Variants in GRM7 observed in about 807,000 individuals in gnomAD.
GRM7 encodes the protein metabotropic glutamate receptor 7.
A neutral mutation model predicts 84.5 loss-of-function variants in GRM7; 35 were observed. The observed-to-expected ratio is 0.41, with a 90% CI of 0.32 to 0.55. The LOEUF (loss-of-function observed/expected upper bound fraction) is 0.55, where lower values mean the gene tolerates loss of function less well. GRM7 is among the 20% of genes least tolerant of loss of function. The probability of loss-of-function intolerance (pLI) is 0.19; values close to 1 mark genes in which losing one functional copy is unlikely to be tolerated. For missense variants in GRM7, 1,003 were observed against 1,194.6 expected (o/e 0.84, Z 2.36); for synonymous variants, 487 against 455.1 (o/e 1.07, Z -0.89).
intron 8 of GRM7, among the ~76,000 whole-genome samples, chr3:7,604,960 TA>T (rs1488969654): frequency 1.2e-4 from 18 of 152,290 alleles, no homozygotes; most frequent in African/African-American, 3.6e-4. Context: ...CATAGGATAT[TA>T]GGCTAACATC....
At chr3:7,327,905 C>A (rs1409827135) in intron 4 of GRM7, among the ~76,000 whole-genome samples, 1 of 152,176 alleles carries the variant, frequency 6.6e-6, no homozygotes, top group Non-Finnish European at 1.5e-5. Flanking sequence ...TGTATCAGAA[C>A]ATTGTAAGTC....
chr3:7,358,773 A>AT (rs931830568), intron 4 of GRM7, among the ~76,000 whole-genome samples: 8 of 151,910 alleles, frequency 5.3e-5, no homozygotes, highest in Non-Finnish European at 1.0e-4. Flanking sequence ...TTCATAATTT[A>AT]TTTTTTGTGA....
In GRM7 at chr3:6,921,465, A is replaced by G. The variant is rs76939575; in HGVS notation, c.519+59558A>G. On this transcript the variant is annotated intron_variant, in intron 1 of 9. Coordinates refer to ENST00000357716, the MANE Select transcript of GRM7 (RefSeq NM_000844.4). ...ACAGCTTCTATTTACCTGAAATAGT[A>G]GGACACACTAATTAGAATTTCAAAG... Among the ~76,000 whole-genome samples, 80 of 152,310 alleles carry G rather than the reference A, an allele frequency of 5.3e-4. No individual in the cohort carries two copies. In the East Asian group the frequency reaches 0.014, roughly 26 times the overall value.
At chr3:7,041,541 T>C (rs1696616018) in intron 1 of GRM7, among the ~76,000 whole-genome samples, 1 of 152,252 alleles carries the variant, frequency 6.6e-6, no homozygotes, top group Non-Finnish European at 1.5e-5. Flanking sequence ...TGAACATTTG[T>C]ATTGTTTGTA....
chr3:7,663,712 C>G (rs59072598), intron 8 of GRM7, among the ~76,000 whole-genome samples: 21,199 of 152,038 alleles, frequency 0.14, 2,873 homozygotes, highest in African/African-American at 0.36. Context: ...GTTATGGAGA[C>G]CATGGATTTT....
chr3:6,987,798 G>A (rs2124847720), intron 1 of GRM7, among the ~76,000 whole-genome samples: 1 of 152,274 alleles, frequency 6.6e-6, no homozygotes, highest in African/African-American at 2.4e-5. Context: ...CCTGGAAACA[G>A]AGAGACCAGG....
At chr3:7,256,776 A>G (rs1698222829) in intron 2 of GRM7, among the ~76,000 whole-genome samples, 1 of 152,162 alleles carries the variant, frequency 6.6e-6, no homozygotes, top group Non-Finnish European at 1.5e-5. Flanking sequence ...TCCTGGGGGA[A>G]TTTTATCATC....
chr3:7,469,814 T>G (rs544296747), intron 7 of GRM7, among the ~76,000 whole-genome samples: 3 of 152,222 alleles, frequency 2.0e-5, no homozygotes, highest in African/African-American at 7.2e-5. Flanking sequence ...AAAATAGTAC[T>G]GTTATTTTGA....
At chr3:7,313,930 GA>G (rs1700494149) in intron 4 of GRM7, among the ~76,000 whole-genome samples, 1 of 152,108 alleles carries the variant, frequency 6.6e-6, no homozygotes, top group African/African-American at 2.4e-5. Flanking sequence ...GAGAGAGAGA[GA>G]GAGAGATTTA....
In GRM7 at chr3:7,475,158, A is replaced by G. The variant is rs557179467; in HGVS notation, c.1515+13436A>G. The stretch of plus-strand genomic sequence containing the variant: ...GGAAGACAGAAAGGATGTAGTGGGT[A>G]AATACAAAGAAGTCTACGTTTCTCA... On this transcript the variant is annotated intron_variant, in intron 7 of 9. Transcript: ENST00000357716. Among the ~76,000 whole-genome samples the G allele has an allele frequency of 7.5e-4, 114 of 152,338 alleles. No homozygotes were observed. The South Asian group carries it at 0.023, about 31-fold the overall frequency.
rs150238409 is a variant in GRM7, at chr3:7,235,184, A to G, written c.737-63500A>G. 4.6e-5 allele frequency among the ~76,000 whole-genome samples: 7 copies of G among 152,300 alleles called. No individual in the cohort carries two copies. The East Asian group carries it at 1.4e-3, about 29-fold the overall frequency. On this transcript the variant is annotated intron_variant, in intron 2 of 9. Coordinates refer to ENST00000357716, the MANE Select transcript of GRM7 (RefSeq NM_000844.4). ...CATCAACTAGACGGTAAAGTGCAGG[A>G]TCTGCGAGTGCCTTCCTTCCTTTGT...
rs73809497 is a variant in GRM7, at chr3:7,605,528, G to A, written c.2451+26171G>A. The stretch of plus-strand genomic sequence containing the variant: ...AGAAAAAAATCTTGATACATAGCAC[G>A]TAATAATCCTGGGGCATAATATACC... On this transcript the variant is annotated intron_variant, in intron 8 of 9. Transcript: ENST00000357716. Among the ~76,000 whole-genome samples the A allele has an allele frequency of 5.2e-3, 796 of 152,200 alleles. 10 individuals carry two copies. Among genetic ancestry groups the A allele is most frequent in the African/African-American group, 0.018 (756 of 41,546 alleles).
intron 2 of GRM7, among the ~76,000 whole-genome samples, chr3:7,208,631 T>C (rs1001058422): frequency 6.6e-6 from 1 of 152,134 alleles, no homozygotes; most frequent in Non-Finnish European, 1.5e-5. Context: ...GATATCGTAG[T>C]ATTATCACGG....
rs1701478822 is a variant in GRM7 at position 7,708,647 on chromosome 3, C to A, written c.2698+28352C>A. 1.3e-5 allele frequency among the ~76,000 whole-genome samples: 2 copies of A among 151,976 alleles called. 1 individual carries two copies. Among genetic ancestry groups the A allele is most frequent in the South Asian group, 4.2e-4 (2 of 4,816 alleles). On this transcript the variant is annotated intron_variant, in intron 9 of 9. Transcript: ENST00000357716. ...TCATTCATAAGAGCAAAGGAGTTTT[C>A]CAGGAAGAGGGACAGAAAGAGTTTG... is the stretch of plus-strand genomic sequence containing the variant.
chr3:7,624,892 C>G (rs1430191361), intron 8 of GRM7, among the ~76,000 whole-genome samples: 1 of 152,160 alleles, frequency 6.6e-6, no homozygotes. Flanking sequence ...GCTGTTTACA[C>G]ATATCAAGCC....
intron 1 of GRM7, among the ~76,000 whole-genome samples, chr3:6,965,362 G>A (rs1693475491): frequency 6.6e-6 from 1 of 151,928 alleles, no homozygotes; most frequent in African/African-American, 2.4e-5. Flanking sequence ...CTGTCACCCA[G>A]GCTGGAGTGC....
chr3:6,893,433 G>A (rs964213330), intron 1 of GRM7, among the ~76,000 whole-genome samples: 1 of 152,118 alleles, frequency 6.6e-6, no homozygotes, highest in African/African-American at 2.4e-5. Context: ...AACTCATAAC[G>A]TGAATCCTAA....
intron 5 of GRM7, among the ~76,000 whole-genome samples, chr3:7,434,809 A>T (rs1004620092): frequency 1.3e-5 from 2 of 152,182 alleles, no homozygotes; most frequent in African/African-American, 4.8e-5. Flanking sequence ...ACACAAAAAA[A>T]TGAGTTAGAA....
Position 6,977,647 on chromosome 3 carries a change from C to T in GRM7, c.519+115740C>T, listed in dbSNP as rs554259597. Among the ~76,000 whole-genome samples the T allele has an allele frequency of 5.3e-5, 8 of 152,170 alleles. No individual in the cohort carries two copies. The South Asian group carries it at 1.7e-3, about 32-fold the overall frequency. On this transcript the variant is annotated intron_variant, in intron 1 of 9. Coordinates refer to ENST00000357716, the MANE Select transcript of GRM7 (RefSeq NM_000844.4). ...TTATTTAAAACAATCTAAGTTGTAT[C>T]CCTTATAATGTGGATCAGTACCTTG...
Sources: allele counts gnomAD v4.1 joint callset (sites outside exome capture counted in the v4.1 genomes callset), GRCh38; gene constraint gnomAD v4.1.1; transcripts MANE v1.5; gene names NCBI Gene and HGNC (gene_info 2026-07-23, HGNC 2026-07-21).